CSMD1: variants seen among roughly 807,000 people sequenced by gnomAD.
The protein encoded by CSMD1 is CUB and sushi domain-containing protein 1.
A neutral mutation model predicts 417.5 loss-of-function variants in CSMD1; 213 were observed. The ratio of observed to expected loss-of-function variants is 0.51; its 90% CI spans 0.46 to 0.57. The LOEUF is 0.57. Ranked by LOEUF, CSMD1 falls within the 20% of genes least tolerant of loss-of-function variation. The pLI, the probability that CSMD1 is intolerant of heterozygous loss-of-function variation, is 0.00. For synonymous variants in CSMD1, 2,862 were observed against 1,736.8 expected, an observed-to-expected ratio of 1.65 and a Z score of -16.11; for missense variants, 6,923 against 4,529.7, an observed-to-expected ratio of 1.53 and a Z score of -15.17.
intron 54 of CSMD1, among the ~76,000 whole-genome samples, chr8:2,993,848 T>A (rs1806626654): frequency 6.6e-6 from 1 of 151,942 alleles, no homozygotes; most frequent in Non-Finnish European, 1.5e-5. Context: ...AGGCTCGTGA[T>A]GTTATCGTCA....
At chr8:4,980,038 A>G (rs1189478050) in intron 1 of CSMD1, among the ~76,000 whole-genome samples, 1 of 152,220 alleles carries the variant, frequency 6.6e-6, no homozygotes, top group Non-Finnish European at 1.5e-5. Context: ...CTCCATCCCA[A>G]AAAATAAATA....
chr8:4,795,542 A>G (rs1406988426), intron 1 of CSMD1, among the ~76,000 whole-genome samples: 1 of 151,914 alleles, frequency 6.6e-6, no homozygotes, highest in Non-Finnish European at 1.5e-5. Flanking sequence ...TATTGCAGGC[A>G]TGAGCCACCG....
At chr8:3,342,781 A>G (rs1807744053) in intron 23 of CSMD1, among the ~76,000 whole-genome samples, 1 of 152,142 alleles carries the variant, frequency 6.6e-6, no homozygotes, top group African/African-American at 2.4e-5. Flanking sequence ...TATTCCTCTT[A>G]GTTCTCTCGT....
intron 21 of CSMD1, among the ~76,000 whole-genome samples, chr8:3,356,501 C>G (rs1808801410): frequency 6.6e-6 from 1 of 152,132 alleles, no homozygotes; most frequent in Non-Finnish European, 1.5e-5. Context: ...ATGGTGAAAC[C>G]CCGTCTTTAC....
intron 8 of CSMD1, among the ~76,000 whole-genome samples, chr8:3,600,858 AG>A (rs1315939601): frequency 6.6e-6 from 1 of 151,978 alleles, no homozygotes; most frequent in African/African-American, 2.4e-5. Flanking sequence ...TTGCAAACAC[AG>A]TATTTTATTA....
chr8:4,012,090 C>T (rs868179850), intron 4 of CSMD1, among the ~76,000 whole-genome samples: 39 of 152,088 alleles, frequency 2.6e-4, no homozygotes, highest in African/African-American at 8.7e-4. Flanking sequence ...ATATTGTAGA[C>T]ATAGCCACAA....
intron 4 of CSMD1, among the ~76,000 whole-genome samples, chr8:4,003,526 A>C (rs2130379620): frequency 6.6e-6 from 1 of 152,344 alleles, no homozygotes; most frequent in Admixed American, 6.5e-5. Context: ...TCTAGAACAA[A>C]CCAAAATTAA....
In CSMD1 at chr8:3,505,957, C is replaced by A. The variant is rs138843183; in HGVS notation, c.1345-12231G>T. On this transcript the variant is annotated intron_variant, in intron 10 of 69. Coordinates refer to ENST00000635120, the MANE Select transcript of CSMD1 (RefSeq NM_033225.6). ...AATGATCTCCAAAAAGTTATGTAAA[C>A]CAGAAAGGAAGAGGGTTGAGTGGAT... 5.9e-3 allele frequency among the ~76,000 whole-genome samples: 905 copies of A among 152,200 alleles called. 9 individuals are homozygous for A. The highest frequency in any genetic ancestry group is 0.021 in the African/African-American group (858 of 41,522).
chr8:3,388,069 T>A (rs1035547959), intron 17 of CSMD1, among the ~76,000 whole-genome samples: 1 of 152,254 alleles, frequency 6.6e-6, no homozygotes, highest in Non-Finnish European at 1.5e-5. Context: ...TATAGACATA[T>A]GTACTTCTAT....
At chr8:3,935,211 C>A (rs1006512862) in intron 5 of CSMD1, among the ~76,000 whole-genome samples, 2 of 152,118 alleles carry the variant, frequency 1.3e-5, no homozygotes, top group Admixed American at 6.6e-5. Context: ...AAAGCTCCAA[C>A]AGAACAAATG....
chr8:3,256,047 G>C (rs920983785), intron 26 of CSMD1, among the ~76,000 whole-genome samples: 1 of 152,166 alleles, frequency 6.6e-6, no homozygotes, highest in Non-Finnish European at 1.5e-5. Context: ...CAATGACTGA[G>C]CCGGGTGAGG....
chr8:3,320,070 A>T (rs1806052806), intron 23 of CSMD1, among the ~76,000 whole-genome samples: 1 of 152,278 alleles, frequency 6.6e-6, no homozygotes, highest in South Asian at 2.1e-4. Flanking sequence ...TCCAGCATAG[A>T]GGGGCTGCCA....
intron 47 of CSMD1, among the ~76,000 whole-genome samples, chr8:3,094,899 A>G (rs545383475): frequency 3.6e-4 from 55 of 152,188 alleles, no homozygotes; most frequent in Admixed American, 1.6e-3. Context: ...ACATATTCAC[A>G]TAAAACTCTG....
At chr8:4,244,127 T>A (rs1276522583) in intron 3 of CSMD1, among the ~76,000 whole-genome samples, 1 of 152,168 alleles carries the variant, frequency 6.6e-6, no homozygotes, top group Non-Finnish European at 1.5e-5. Context: ...CGGATGAGTT[T>A]CGCGCAGCAC....
At chr8:3,938,924 A>T (rs1157008536) in intron 5 of CSMD1, among the ~76,000 whole-genome samples, 1 of 152,146 alleles carries the variant, frequency 6.6e-6, no homozygotes, top group African/African-American at 2.4e-5. Context: ...TCATTCTCAA[A>T]CACAGTAACA....
chr8:4,271,066 A>G (rs576040429), intron 3 of CSMD1, among the ~76,000 whole-genome samples: 1 of 152,204 alleles, frequency 6.6e-6, no homozygotes, highest in African/African-American at 2.4e-5. Flanking sequence ...GCTGGTGCAG[A>G]AAGTTCAGAA....
chr8:2,953,964 G>C (rs976784977), intron 65 of CSMD1, among the ~76,000 whole-genome samples: 1 of 152,232 alleles, frequency 6.6e-6, no homozygotes, highest in African/African-American at 2.4e-5. Flanking sequence ...ACCAAATGCC[G>C]AAGGCAAGTT....
intron 5 of CSMD1, among the ~76,000 whole-genome samples, chr8:3,959,472 C>G (rs111238096): frequency 2.8e-4 from 42 of 152,276 alleles, no homozygotes; most frequent in African/African-American, 9.4e-4. Flanking sequence ...GCACTCCAGA[C>G]TGGATGACTG....
rs539031482 is a variant in CSMD1, at chr8:4,030,291, C to G, written c.610+1614G>C. On this transcript the variant is annotated intron_variant, in intron 4 of 69. Transcript: ENST00000635120. ...CCCTAGCAAAGGTTCTCCATGAGGA[C>G]CGCCACCCATAGCAAACTTCTATCT... Among the ~76,000 whole-genome samples the G allele has an allele frequency of 2.0e-5, 3 of 152,324 alleles. No homozygotes were observed. The East Asian group carries it at 5.8e-4, about 29-fold the overall frequency.
Sources: allele counts gnomAD v4.1 joint callset (sites outside exome capture counted in the v4.1 genomes callset), GRCh38; gene constraint gnomAD v4.1.1; transcripts MANE v1.5; gene names NCBI Gene and HGNC (gene_info 2026-07-23, HGNC 2026-07-21).